ZBTB8A: variants seen among roughly 807,000 people sequenced by gnomAD.
ZBTB8A encodes the protein zinc finger and BTB domain containing 8A.
A neutral mutation model predicts 37.8 loss-of-function variants in ZBTB8A; 19 were observed. The ratio of observed to expected loss-of-function variants is 0.50; its 90% CI spans 0.35 to 0.74. The LOEUF is 0.74. Among genes scored for constraint, ZBTB8A ranks in the 30% least tolerant of loss-of-function variants. The probability of loss-of-function intolerance (pLI) is 0.01; values close to 1 mark genes in which losing one functional copy is unlikely to be tolerated. For synonymous variants in ZBTB8A, 181 were observed against 185.2 expected (o/e 0.98, Z 0.19); for missense variants, 394 against 537.8 (o/e 0.73, Z 2.65).
Position 32,593,827 on chromosome 1 carries a change from C to T in ZBTB8A, c.823+73C>T, listed in dbSNP as rs55991963. 2.6e-3 allele frequency: 3,097 copies of T among 1,186,494 alleles called. 69 individuals are homozygous for T. The African/African-American group carries it at 0.042, about 16-fold the overall frequency. The allele number at this position is 1,186,494 out of a possible 1,614,324, so 73.5% of individuals were successfully genotyped here. ...TATTAATCAGTCTACTGTCAAAACACCCTTAGTTTCAGGTGCTCTAAGCAG... is the reference window on the plus strand; with the variant it reads ...TATTAATCAGTCTACTGTCAAAACATCCTTAGTTTCAGGTGCTCTAAGCAG... On this transcript the variant is annotated intron_variant, in intron 3 of 4. Coordinates refer to ENST00000373510, the MANE Select transcript of ZBTB8A (RefSeq NM_001040441.3).
rs1452408472 is a variant in ZBTB8A, at chr1:32,602,907, A to G, written c.*2488A>G. ...ACCTCAAAATTATCCTTTTTATGTT[A>G]CTATTTTCTCTTGTTCTTTCATTAA... On this transcript the variant is annotated 3_prime_UTR_variant, in exon 5 of 5. Coordinates refer to ENST00000373510, the MANE Select transcript of ZBTB8A (RefSeq NM_001040441.3). 6.6e-6 allele frequency: 1 copy of G among 152,064 alleles called. No homozygotes were observed. The highest frequency in any genetic ancestry group is 1.5e-5 in the Non-Finnish European group (1 of 68,018). The allele number at this position is 152,064 out of a possible 1,614,324, so 9.4% of individuals were successfully genotyped here.
chr1:32,553,897 A>G (rs973404645), intron 2 of ZBTB8A, among the ~76,000 whole-genome samples: 1 of 146,874 alleles, frequency 6.8e-6, no homozygotes, highest in East Asian at 2.0e-4. Flanking sequence ...AAAAAAAAAA[A>G]AAAAAAAAGG....
At chr1:32,550,974 A>AG (rs1206809306) in intron 1 of ZBTB8A, among the ~76,000 whole-genome samples, 41 of 151,444 alleles carry the variant, frequency 2.7e-4, no homozygotes, top group African/African-American at 9.7e-4. Context: ...AAAAAAAAAA[A>AG]GCCACAAATT....
intron 3 of ZBTB8A, 66 bp from the exon 4 acceptor site, chr1:32,594,988 G>T: frequency 7.3e-7 from 1 of 1,377,288 alleles, no homozygotes; most frequent in South Asian, 1.7e-5. Flanking sequence ...GGCTTGGATT[G>T]GATTCTTTCT....
chr1:32,589,685 G>C (rs1644474035), intron 2 of ZBTB8A, among the ~76,000 whole-genome samples: 1 of 151,896 alleles, frequency 6.6e-6, no homozygotes, highest in Non-Finnish European at 1.5e-5. Flanking sequence ...GAGTAGCTGG[G>C]ATTACAGGTA....
intron 2 of ZBTB8A, among the ~76,000 whole-genome samples, chr1:32,570,593 T>C (rs1644316203): frequency 6.6e-6 from 1 of 152,238 alleles, no homozygotes; most frequent in African/African-American, 2.4e-5. Flanking sequence ...TCAAGTATTT[T>C]GTGGTTTTGA....
At chr1:32,570,302 A>G (rs1644314693) in intron 2 of ZBTB8A, among the ~76,000 whole-genome samples, 1 of 152,160 alleles carries the variant, frequency 6.6e-6, no homozygotes, top group African/African-American at 2.4e-5. Context: ...CCAATAATAC[A>G]CTATCTTGGT....
At chr1:32,543,914 G>C (rs143744476) in intron 1 of ZBTB8A, among the ~76,000 whole-genome samples, 17,288 of 152,114 alleles carry the variant, frequency 0.11, 1,079 homozygotes, top group African/African-American at 0.18. Flanking sequence ...CTGACCTCAT[G>C]ATCCGCCCGC....
intron 2 of ZBTB8A, among the ~76,000 whole-genome samples, chr1:32,567,810 A>C (rs563885107): frequency 0.028 from 1,314 of 46,196 alleles, 227 homozygotes; most frequent in East Asian, 0.12. Context: ...AAAAAAAAAA[A>C]AAAAAAAAAA....
In ZBTB8A at chr1:32,600,116, A is replaced by G. The variant is rs1290202256; in HGVS notation, c.1023A>G (p.Arg341=). 6.2e-7 allele frequency: 1 copy of G among 1,613,406 alleles called. No homozygotes were observed. Among genetic ancestry groups the G allele is most frequent in the Non-Finnish European group, 8.5e-7 (1 of 1,179,418 alleles). Residue 341 remains arginine (R), a synonymous_variant, in exon 5 of 5, where the codon AGA becomes AGG. Transcript: ENST00000373510. ...TIHQACKLIC[R]KCKRHVTDLT... ...ACCAGGCATGTAAACTCATCTGCAG[A>G]AAATGTAAACGTCATGTGACAGATC...
intron 2 of ZBTB8A, among the ~76,000 whole-genome samples, chr1:32,579,112 G>T (rs1644384362): frequency 6.6e-6 from 1 of 151,964 alleles, no homozygotes; most frequent in African/African-American, 2.4e-5. Context: ...TTTATGCCCT[G>T]GATGTTCAGC....
At chr1:32,555,756 T>C (rs1456764842) in intron 2 of ZBTB8A, among the ~76,000 whole-genome samples, 3 of 152,114 alleles carry the variant, frequency 2.0e-5, no homozygotes, top group African/African-American at 7.2e-5. Flanking sequence ...GACCAGCATT[T>C]CTAGTGGCCT....
intron 1 of ZBTB8A, among the ~76,000 whole-genome samples, chr1:32,547,390 G>A (rs1338912490): frequency 1.5e-5 from 2 of 134,100 alleles, no homozygotes; most frequent in Non-Finnish European, 3.2e-5. Context: ...GTCTTGCCCT[G>A]TTGCCCAGGC....
rs144054501 is a variant in ZBTB8A, at chr1:32,593,989, C to T, written c.823+235C>T. On this transcript the variant is annotated intron_variant, in intron 3 of 4. Coordinates refer to ENST00000373510, the MANE Select transcript of ZBTB8A (RefSeq NM_001040441.3). The stretch of plus-strand genomic sequence containing the variant: ...GGCAGATCACCTGAGGTCAGGAGTT[C>T]GAGACCAGCCTGGCCAACATGGCAA... Among the ~76,000 whole-genome samples the T allele has an allele frequency of 9.5e-3, 1,450 of 151,852 alleles. 21 individuals are homozygous for T. The highest frequency in any genetic ancestry group is 0.033 in the African/African-American group (1,356 of 41,428).
chr1:32,590,623 G>C (rs754511920), intron 2 of ZBTB8A, among the ~76,000 whole-genome samples: 2 of 152,114 alleles, frequency 1.3e-5, no homozygotes, highest in Non-Finnish European at 2.9e-5. Flanking sequence ...AAAAACTTCA[G>C]CTGTATTTTA....
At chr1:32,570,058 G>A (rs1317384872) in intron 2 of ZBTB8A, among the ~76,000 whole-genome samples, 3 of 152,170 alleles carry the variant, frequency 2.0e-5, no homozygotes, top group African/African-American at 7.2e-5. Context: ...CTTGTCAAAT[G>A]AAAATTTGTA....
At chr1:32,564,207 A>G (rs1557706511) in intron 2 of ZBTB8A, among the ~76,000 whole-genome samples, 1 of 152,174 alleles carries the variant, frequency 6.6e-6, no homozygotes, top group East Asian at 1.9e-4. Flanking sequence ...CTCATTCCTT[A>G]GAAAATAGTG....
intron 2 of ZBTB8A, among the ~76,000 whole-genome samples, chr1:32,571,033 G>A (rs549087764): frequency 6.6e-6 from 1 of 152,092 alleles, no homozygotes; most frequent in African/African-American, 2.4e-5. Flanking sequence ...CCACCACCAC[G>A]CCCGGCTTAT....
At chr1:32,595,600 C>T (rs1294949111) in intron 4 of ZBTB8A, among the ~76,000 whole-genome samples, 1 of 149,418 alleles carries the variant, frequency 6.7e-6, no homozygotes, top group Non-Finnish European at 1.5e-5. Context: ...GACAGGGTCT[C>T]TCTCTATCGC....
Sources: allele counts gnomAD v4.1 joint callset (sites outside exome capture counted in the v4.1 genomes callset), GRCh38; gene constraint gnomAD v4.1.1; transcripts MANE v1.5; gene names NCBI Gene and HGNC (gene_info 2026-07-23, HGNC 2026-07-21).